SLC12A6: variants seen among roughly 807,000 people sequenced by gnomAD.
SLC12A6 encodes the protein solute carrier family 12 member 6.
SLC12A6 carries 66 observed loss-of-function variants against 135.3 expected under a neutral mutation model. That is an observed-to-expected ratio of 0.49 (90% CI 0.40 to 0.60). SLC12A6 has a LOEUF of 0.60. Among genes scored for constraint, SLC12A6 ranks in the 20% least tolerant of loss-of-function variants. The pLI, the probability that SLC12A6 is intolerant of heterozygous loss-of-function variation, is 0.00. For synonymous variants in SLC12A6, 513 were observed against 508.8 expected (o/e 1.01, Z -0.11); for missense variants, 1,058 against 1,452.3 (o/e 0.73, Z 4.41).
chr15:34,241,553 T>C (rs1891644062), intron 17 of SLC12A6, among the ~76,000 whole-genome samples: 1 of 152,148 alleles, frequency 6.6e-6, no homozygotes, highest in Non-Finnish European at 1.5e-5. Context: ...CAGTTCCCAA[T>C]AAAGCCTGAA....
At chr15:34,245,520 T>A in intron 14 of SLC12A6, 117 bp from the exon 15 acceptor site, 1 of 888,978 alleles carries the variant, frequency 1.1e-6, no homozygotes, top group Non-Finnish European at 1.9e-6. Context: ...TGATACCTTT[T>A]AAATACCTTT....
At chr15:34,242,080 T>C (rs1266114127) in intron 17 of SLC12A6, 22 bp downstream of exon 17, 4 of 1,591,212 alleles carry the variant, frequency 2.5e-6, no homozygotes, top group Non-Finnish European at 3.4e-6. Context: ...TTAGCAGTGA[T>C]CAAGATTAAA....
intron 13 of SLC12A6, among the ~76,000 whole-genome samples, chr15:34,246,239 G>GT (rs142561604): frequency 3.5e-4 from 53 of 149,596 alleles, no homozygotes; most frequent in South Asian, 1.1e-3. Context: ...AGCCCACCCA[G>GT]TTTTTTTTTT....
chr15:34,252,974 A>G (rs182169094), intron 9 of SLC12A6, among the ~76,000 whole-genome samples: 58 of 152,300 alleles, frequency 3.8e-4, no homozygotes, highest in Non-Finnish European at 6.9e-4. Flanking sequence ...AGATCCCTCT[A>G]TGGCCTAAGA....
chr15:34,298,129 C>T (rs531835923), intron 2 of SLC12A6, among the ~76,000 whole-genome samples: 1 of 152,182 alleles, frequency 6.6e-6, no homozygotes, highest in South Asian at 2.1e-4. Context: ...GGGAAAAATA[C>T]ACAATTATGA....
At chr15:34,236,300 C>A in intron 23 of SLC12A6, 101 bp from the exon 24 acceptor site, 1 of 853,584 alleles carries the variant, frequency 1.2e-6, no homozygotes, top group Non-Finnish European at 2.0e-6. Context: ...GAATAACTGA[C>A]AGAGTGAGAA....
rs1027828929 is a variant in SLC12A6 at position 34,260,835 on chromosome 15, G to A, written c.411+91C>T. 5.2e-5 allele frequency: 38 copies of A among 723,820 alleles called. 1 individual carries two copies. The highest frequency in any genetic ancestry group is 6.9e-4 in the Middle Eastern group (2 of 2,886). The allele number at this position is 723,820 out of a possible 1,614,324, so 44.8% of individuals were successfully genotyped here. ...CTTTTAACATTAAATTATCCAGCTT[G>A]TAAAATTTTTAAACCAAATGGGGTA... On this transcript the variant is annotated intron_variant, in intron 4 of 25. Transcript: ENST00000354181.
At chr15:34,333,652 G>T (rs147300310) in intron 2 of SLC12A6, among the ~76,000 whole-genome samples, 91 of 152,212 alleles carry the variant, frequency 6.0e-4, no homozygotes, top group African/African-American at 2.1e-3. Context: ...TTACCAACTG[G>T]ACAGTCCTAT....
intron 2 of SLC12A6, among the ~76,000 whole-genome samples, chr15:34,311,459 T>A (rs1316903237): frequency 2.6e-5 from 4 of 152,204 alleles, no homozygotes; most frequent in Non-Finnish European, 5.9e-5. Flanking sequence ...GTCCTATTTT[T>A]AAAAATCACA....
chr15:34,259,969 T>C (rs1296565566), intron 4 of SLC12A6, among the ~76,000 whole-genome samples: 1 of 152,164 alleles, frequency 6.6e-6, no homozygotes, highest in Non-Finnish European at 1.5e-5. Context: ...AGTCACAGGA[T>C]ACAAAGTTTC....
chr15:34,336,924 A>G (rs1890239518), intron 1 of SLC12A6, 172 bp from the exon 2 acceptor site: 3 of 559,290 alleles, frequency 5.4e-6, no homozygotes, highest in East Asian at 3.1e-5. Flanking sequence ...CAAAAAACAA[A>G]AAGACAAAAC....
At chr15:34,289,865 T>C (rs942718587) in intron 2 of SLC12A6, among the ~76,000 whole-genome samples, 2 of 152,204 alleles carry the variant, frequency 1.3e-5, no homozygotes, top group Non-Finnish European at 2.9e-5. Context: ...CTGATTCTTC[T>C]CTCTTTTCTT....
At chr15:34,316,908 C>T (rs891836275) in intron 2 of SLC12A6, among the ~76,000 whole-genome samples, 1 of 152,028 alleles carries the variant, frequency 6.6e-6, no homozygotes, top group Non-Finnish European at 1.5e-5. Context: ...ATGAAATTAA[C>T]GAAGACAACA....
chr15:34,256,371 GCA>G, intron 6 of SLC12A6, 88 bp from the exon 7 acceptor site: 1 of 901,802 alleles, frequency 1.1e-6, no homozygotes, highest in Non-Finnish European at 1.9e-6. Context: ...AGAGCACTTG[GCA>G]AACATTTAAC....
intron 2 of SLC12A6, among the ~76,000 whole-genome samples, chr15:34,279,337 CA>C (rs1894515560): frequency 6.6e-6 from 1 of 150,410 alleles, no homozygotes; most frequent in South Asian, 2.1e-4. Context: ...AAAAACAAAA[CA>C]AAACAAAACA....
At chr15:34,235,422 G>A in intron 24 of SLC12A6, 108 bp from the exon 25 acceptor site, 3 of 671,412 alleles carry the variant, frequency 4.5e-6, no homozygotes, top group Non-Finnish European at 5.0e-6. Flanking sequence ...TGGATAATCT[G>A]ATAAAATGAT....
At chr15:34,247,529 A>G (rs557552288) in intron 13 of SLC12A6, among the ~76,000 whole-genome samples, 3 of 152,170 alleles carry the variant, frequency 2.0e-5, no homozygotes, top group South Asian at 2.1e-4. Context: ...GGAAAAAAAA[A>G]AAGTAATGTG....
In SLC12A6 at chr15:34,244,144, C is replaced by T. The variant is rs1891830952; in HGVS notation, c.1944-72G>A. The T allele has an allele frequency of 2.8e-5, 25 of 908,270 alleles. 2 individuals are homozygous for T. In the South Asian group the frequency reaches 2.9e-4, roughly 10 times the overall value. The allele number at this position is 908,270 out of a possible 1,614,324, so 56.3% of individuals were successfully genotyped here. On this transcript the variant is annotated intron_variant, in intron 15 of 25. Coordinates refer to ENST00000354181, the MANE Select transcript of SLC12A6 (RefSeq NM_001365088.1). ...CTTTGAAGGTTAAGTAACTGAATAC[C>T]TTTGCTGTATTGAAGCCTGTTTCTA...
chr15:34,245,657 GA>G (rs762911792), intron 14 of SLC12A6, 35 bp downstream of exon 14: 5 of 1,553,208 alleles, frequency 3.2e-6, no homozygotes, highest in Admixed American at 1.7e-5. Flanking sequence ...TTAAAGCTGG[GA>G]AAAAAAGAAG....
Sources: gnomAD v4.1 joint callset for allele counts (sites outside exome capture counted in the v4.1 genomes callset) on GRCh38, gnomAD v4.1.1 for gene constraint, MANE v1.5 for transcripts, NCBI Gene and HGNC (gene_info 2026-07-23, HGNC 2026-07-21) for gene names.